Variants in SOX6 observed in about 807,000 individuals in gnomAD.
The protein encoded by SOX6 is transcription factor SOX-6.
A neutral mutation model predicts 97.8 loss-of-function variants in SOX6; 11 were observed. That is an observed-to-expected ratio of 0.11 (90% CI 0.07 to 0.19). The LOEUF (loss-of-function observed/expected upper bound fraction) is 0.19. Ranked by LOEUF, SOX6 falls within the 10% of genes least tolerant of loss-of-function variation. The pLI is 1.00. For missense variants in SOX6, 810 were observed against 1,039.5 expected (o/e 0.78, Z 3.04); for synonymous variants, 360 against 371.4 (o/e 0.97, Z 0.35).
chr11:16,063,515 T>A, intron 9 of SOX6, among the ~76,000 whole-genome samples: 1 of 51,274 alleles, frequency 2.0e-5, no homozygotes, highest in Non-Finnish European at 3.8e-5. Flanking sequence ...TATATATATA[T>A]ATATATATAT....
rs1351119930 is a variant in SOX6 at position 16,306,625 on chromosome 11, TTC to T, written c.445+11819_445+11820del. Among the ~76,000 whole-genome samples, 3 of 128,214 alleles carry T rather than the reference TTC, an allele frequency of 2.3e-5. 1 individual carries two copies. The highest frequency in any genetic ancestry group is 3.5e-5 in the Non-Finnish European group (2 of 56,870). 84.1% of individuals were successfully genotyped at this position (128,214 alleles called of 152,430 possible). On this transcript the variant is annotated intron_variant, in intron 3 of 15. Coordinates refer to ENST00000683767, the MANE Select transcript of SOX6 (RefSeq NM_001367873.1). ...TCCTCAAATTTCTTTTTTTTTTTTT[TTC>T]TTTTTTTTTTTTTCCTGAGACAGAT...
chr11:16,724,600 T>C (rs1848292516), intron 2 of SOX6, among the ~76,000 whole-genome samples: 1 of 152,174 alleles, frequency 6.6e-6, no homozygotes, highest in Non-Finnish European at 1.5e-5. Flanking sequence ...TCAGAAACTC[T>C]GGGGTAGGGC....
chr11:16,249,009 G>A (rs919365889), intron 3 of SOX6, among the ~76,000 whole-genome samples: 1 of 150,500 alleles, frequency 6.6e-6, no homozygotes, highest in Non-Finnish European at 1.5e-5. Context: ...GCTGAGGCAG[G>A]AAAATCACTT....
chr11:16,378,120 A>T (rs1857692329), intron 1 of SOX6, among the ~76,000 whole-genome samples: 1 of 152,150 alleles, frequency 6.6e-6, no homozygotes, highest in Non-Finnish European at 1.5e-5. Context: ...AAACAACCTA[A>T]ATGTTCAACA....
chr11:16,484,999 T>C (rs1307034004), intron 4 of SOX6, among the ~76,000 whole-genome samples: 2 of 152,182 alleles, frequency 1.3e-5, no homozygotes, highest in Admixed American at 1.3e-4. Flanking sequence ...CTAGGAAGAA[T>C]ACCTTTACAC....
chr11:16,704,940 T>C (rs1272189572), intron 3 of SOX6, among the ~76,000 whole-genome samples: 1 of 152,168 alleles, frequency 6.6e-6, no homozygotes, highest in Non-Finnish European at 1.5e-5. Context: ...AAAATATATA[T>C]TTGTCATGAA....
At chr11:16,268,015 T>C (rs2134224453) in intron 3 of SOX6, among the ~76,000 whole-genome samples, 1 of 151,174 alleles carries the variant, frequency 6.6e-6, no homozygotes, top group African/African-American at 2.4e-5. Context: ...AAGGAGAGAG[T>C]AGAATGGTGG....
intron 1 of SOX6, among the ~76,000 whole-genome samples, chr11:16,408,180 G>A (rs912298591): frequency 1.3e-5 from 2 of 152,128 alleles, no homozygotes; most frequent in Non-Finnish European, 2.9e-5. Flanking sequence ...TTGTGCCCTC[G>A]TTAATACTGC....
At chr11:16,464,207 T>G (rs1590213427) in intron 1 of SOX6, among the ~76,000 whole-genome samples, 1 of 152,186 alleles carries the variant, frequency 6.6e-6, no homozygotes. Context: ...AAGACTATAA[T>G]TTCTTTCTAA....
intron 4 of SOX6, among the ~76,000 whole-genome samples, chr11:16,604,368 T>C (rs1301894207): frequency 1.3e-5 from 2 of 152,112 alleles, no homozygotes; most frequent in Non-Finnish European, 2.9e-5. Context: ...TCTGTTCTCC[T>C]CGGGACCCGG....
intron 7 of SOX6, among the ~76,000 whole-genome samples, chr11:16,105,786 C>T (rs1052380611): frequency 6.6e-6 from 1 of 152,028 alleles, no homozygotes; most frequent in African/African-American, 2.4e-5. Context: ...TTGCAAATGA[C>T]ATAATCCTAT....
At chr11:16,455,110 T>C (rs545965579) in intron 1 of SOX6, among the ~76,000 whole-genome samples, 1 of 152,148 alleles carries the variant, frequency 6.6e-6, no homozygotes, top group East Asian at 1.9e-4. Flanking sequence ...TTAATAAAAA[T>C]ATAATACTTA....
chr11:16,118,386 A>C (rs894531676), intron 6 of SOX6, among the ~76,000 whole-genome samples: 31 of 152,386 alleles, frequency 2.0e-4, no homozygotes, highest in African/African-American at 7.2e-4. Context: ...TCTTTCAGAG[A>C]ATCAAGACAG....
chr11:16,588,564 C>T (rs1447794411), intron 4 of SOX6, among the ~76,000 whole-genome samples: 2 of 152,066 alleles, frequency 1.3e-5, no homozygotes. Context: ...AACAAAGAGC[C>T]CCAGACACTC....
At position 16,300,080 on chromosome 11, in the gene SOX6, T is replaced by C. The variant is rs1418474021; in HGVS notation, c.445+18366A>G. Among the ~76,000 whole-genome samples the C allele has an allele frequency of 6.6e-6, 1 of 152,172 alleles. No homozygotes were observed. Among genetic ancestry groups the C allele is most frequent in the African/African-American group, 2.4e-5 (1 of 41,448 alleles). On this transcript the variant is annotated intron_variant, in intron 3 of 15. Coordinates refer to ENST00000683767, the MANE Select transcript of SOX6 (RefSeq NM_001367873.1). This position sits in a 1 kb window ranked among gnomAD's most constrained non-coding sequence, Gnocchi z 4.1. ...TCAGGGAGGAAGTGACATCTTCTAATTTCAGACAAAACATGGAGGTGAGGG... is the reference window on the plus strand; with the variant it reads ...TCAGGGAGGAAGTGACATCTTCTAACTTCAGACAAAACATGGAGGTGAGGG...
intron 6 of SOX6, among the ~76,000 whole-genome samples, chr11:16,118,504 A>T (rs1564964134): frequency 6.6e-6 from 1 of 152,220 alleles, no homozygotes; most frequent in African/African-American, 2.4e-5. Flanking sequence ...GTTGTTGATG[A>T]TGCCATTTTT....
Position 16,613,639 on chromosome 11 carries a change from G to A in SOX6, n.430-1379C>T, listed in dbSNP as rs187356097. 6.3e-4 allele frequency among the ~76,000 whole-genome samples: 96 copies of A among 152,032 alleles called. No homozygotes were observed. The highest frequency in any genetic ancestry group is 2.1e-3 in the African/African-American group (87 of 41,478). ...CGCGGACCCACGAGCACACACACAC[G>A]CACGCACACACACAGACACGCGCGT... On this transcript the variant is annotated intron_variant and non_coding_transcript_variant, in intron 3 of 5. Coordinates refer to the SOX6 transcript ENST00000524520. The surrounding 1 kb of genome is among the most constrained non-coding windows in gnomAD (Gnocchi z 4.6).
rs866188128 is a variant in SOX6, at chr11:16,318,346, G to A, written c.445+100C>T. ...CTTTTTCCTAGCTAGTGACAATTAT[G>A]CACTTCTCTGACCCTTGAAATCCCA... On this transcript the variant is annotated intron_variant, in intron 3 of 15. Coordinates refer to ENST00000683767, the MANE Select transcript of SOX6 (RefSeq NM_001367873.1). 77 of 1,257,672 alleles carry A rather than the reference G, an allele frequency of 6.1e-5. 1 individual carries two copies. The Middle Eastern group carries it at 2.2e-3, about 37-fold the overall frequency. 77.9% of individuals were successfully genotyped at this position (1,257,672 alleles called of 1,614,324 possible).
chr11:16,093,842 G>T (rs1259769623), intron 9 of SOX6, among the ~76,000 whole-genome samples: 4 of 151,914 alleles, frequency 2.6e-5, no homozygotes, highest in Non-Finnish European at 4.4e-5. Flanking sequence ...CCTCGCTCAA[G>T]ATTTAAAACG....
Sources: gnomAD v4.1 joint callset for allele counts (sites outside exome capture counted in the v4.1 genomes callset) on GRCh38, gnomAD v4.1.1 for gene constraint, Gnocchi (gnomAD v3.1) non-coding constraint, MANE v1.5 for transcripts, NCBI Gene and HGNC (gene_info 2026-07-23, HGNC 2026-07-21) for gene names.